The following TNFAIP1 variants were observed in gnomAD, a reference collection of about 807,000 sequenced individuals.
The protein encoded by TNFAIP1 is TNF alpha induced protein 1, also known as BTB/POZ domain-containing adapter for CUL3-mediated RhoA degradation protein 2.
In TNFAIP1, 20 loss-of-function variants were observed where a neutral mutation model predicts 32.6. The observed-to-expected ratio is 0.61, with a 90% CI of 0.43 to 0.89. The LOEUF (loss-of-function observed/expected upper bound fraction) is 0.89, where lower values mean the gene tolerates loss of function less well. Among genes scored for constraint, TNFAIP1 ranks in the 40% least tolerant of loss-of-function variants. TNFAIP1 has a pLI of 0.00. For synonymous variants in TNFAIP1, 166 were observed against 166.8 expected, an observed-to-expected ratio of 1.00 and a Z score of 0.04; for missense variants, 319 against 425.1, an observed-to-expected ratio of 0.75 and a Z score of 2.20.
intron 1 of TNFAIP1, among the ~76,000 whole-genome samples, chr17:28,339,182 G>A (rs1394008140): frequency 1.3e-5 from 2 of 150,538 alleles, no homozygotes; most frequent in Non-Finnish European, 3.0e-5. Flanking sequence ...AGGCTGCAGT[G>A]AGCCGAGATG....
rs782729293 is a variant in TNFAIP1, at chr17:28,341,231, G to T, written c.376-6G>T. The T allele has an allele frequency of 1.2e-6, 2 of 1,613,608 alleles. No individual in the cohort carries two copies. Among genetic ancestry groups the T allele is most frequent in the Admixed American group, 1.7e-5 (1 of 60,002 alleles). On this transcript the variant is annotated splice_region_variant and splice_polypyrimidine_tract_variant and intron_variant, in intron 3 of 6. Coordinates refer to ENST00000226225, the MANE Select transcript of TNFAIP1 (RefSeq NM_021137.5). ...TAAAGAGGGTTCTCTGTTCTGTGTC[G>T]CACAGGACAAGAAGGACTCCTACCA...
chr17:28,339,568 A>G lies in TNFAIP1; in HGVS notation c.47A>G (p.Lys16Arg). The G allele has an allele frequency of 3.7e-6, 6 of 1,613,250 alleles. No individual in the cohort carries two copies. The highest frequency in any genetic ancestry group is 5.1e-6 in the Non-Finnish European group (6 of 1,179,576). The change falls in exon 2 of 7, where the codon AAG (lysine) becomes AGG (arginine). Residue 16 changes from lysine to arginine, a missense_variant. By Grantham distance (26) the Lys-to-Arg change is conservative. Transcript: ENST00000226225. ...TGCCCAGCCTCAGGGGCCAAGCCCA[A>G]GCTCAGTGGCTTCAAGGGAGGAGGG... ...CLCPASGAKPKLSGFKGGGLG... is the reference protein window; with the variant it reads ...CLCPASGAKPRLSGFKGGGLG...
Position 28,342,152 on chromosome 17 carries a change from G to C in TNFAIP1, c.519-95G>C, listed in dbSNP as rs917169716. 2.1e-5 allele frequency: 24 copies of C among 1,134,020 alleles called. No homozygotes were observed. The highest frequency in any genetic ancestry group is 2.0e-4 in the African/African-American group (13 of 65,166). 70.2% of individuals were successfully genotyped at this position (1,134,020 alleles called of 1,614,324 possible). Reference sequence around the variant, plus strand: ...TGCTTTCATTTCGGCAGGACAGGATGGGGGAAGGGAGGGAGGGGAGGGCCC... The same window carrying C: ...TGCTTTCATTTCGGCAGGACAGGATCGGGGAAGGGAGGGAGGGGAGGGCCC... On this transcript the variant is annotated intron_variant, in intron 5 of 6. Coordinates refer to ENST00000226225, the MANE Select transcript of TNFAIP1 (RefSeq NM_021137.5). The surrounding 1 kb of genome is among the most constrained non-coding windows in gnomAD (Gnocchi z 4.0).
Position 28,346,536 on chromosome 17 carries a change from C to G in TNFAIP1, c.*1936C>G, listed in dbSNP as rs1158292422. On this transcript the variant is annotated 3_prime_UTR_variant, in exon 7 of 7. Coordinates refer to ENST00000226225, the MANE Select transcript of TNFAIP1 (RefSeq NM_021137.5). ...TCCTCAGTGTCTCAGTCTTTTTTGCCGAGAAAGCACAGTAGTCTGGGACTG... is the reference window on the plus strand; with the variant it reads ...TCCTCAGTGTCTCAGTCTTTTTTGCGGAGAAAGCACAGTAGTCTGGGACTG... 2.0e-5 allele frequency: 3 copies of G among 152,080 alleles called. No homozygotes were observed. The highest frequency in any genetic ancestry group is 4.4e-5 in the Non-Finnish European group (3 of 67,998). The allele number at this position is 152,080 out of a possible 1,614,324, so 9.4% of individuals were successfully genotyped here. A position where few individuals can be genotyped will look rare whatever the true frequency, so the allele number is the denominator to read the frequency against.
At position 28,342,004 on chromosome 17, in the gene TNFAIP1, G is replaced by A. The variant is rs1907377721; in HGVS notation, c.519-243G>A. On this transcript the variant is annotated intron_variant, in intron 5 of 6. Coordinates refer to ENST00000226225, the MANE Select transcript of TNFAIP1 (RefSeq NM_021137.5). The surrounding 1 kb of genome is among the most constrained non-coding windows in gnomAD (Gnocchi z 4.0). The stretch of plus-strand genomic sequence containing the variant: ...GTCTCCTTCCTTCCAGGGTTAGTGA[G>A]GGGAGACCTCCTTCCTCAGCTGTCC... 6.6e-6 allele frequency among the ~76,000 whole-genome samples: 1 copy of A among 152,218 alleles called. No individual in the cohort carries two copies. The highest frequency in any genetic ancestry group is 2.4e-5 in the African/African-American group (1 of 41,456).
intron 2 of TNFAIP1, 54 bp downstream of exon 2, chr17:28,339,780 G>A: frequency 2.6e-6 from 4 of 1,564,708 alleles, no homozygotes; most frequent in Non-Finnish European, 3.5e-6. Context: ...AGTTCCCAAG[G>A]AAATGACCAG....
At position 28,342,377 on chromosome 17, in the gene TNFAIP1, G is replaced by C. The variant is rs138622447; in HGVS notation, c.649G>C (p.Gly217Arg). 9.7e-5 allele frequency: 156 copies of C among 1,606,080 alleles called. No individual in the cohort carries two copies. Among genetic ancestry groups the C allele is most frequent in the Middle Eastern group, 6.6e-4 (4 of 6,042 alleles). ...EICCWSFYGQGRKLAEVCCTS... is the reference protein window; with the variant it reads ...EICCWSFYGQRRKLAEVCCTS... ...CTGCTGCTGGTCCTTTTATGGCCAGGGCCGTAAGCTGGCAGAGGTGTGCTG... is the reference window on the plus strand; with the variant it reads ...CTGCTGCTGGTCCTTTTATGGCCAGCGCCGTAAGCTGGCAGAGGTGTGCTG... Residue 217 changes from glycine to arginine, a missense_variant, in exon 6 of 7, where the codon GGC (glycine) becomes CGC (arginine). Gly to Arg is a moderately radical substitution (Grantham distance 125). Transcript: ENST00000226225. The surrounding 1 kb of genome is among the most constrained non-coding windows in gnomAD (Gnocchi z 4.0).
At chr17:28,336,783 C>T (rs1410032724) in intron 1 of TNFAIP1, among the ~76,000 whole-genome samples, 2 of 152,226 alleles carry the variant, frequency 1.3e-5, no homozygotes, top group African/African-American at 2.4e-5. Context: ...CCAGACAAGC[C>T]GCCAAAGGAA....
Position 28,344,716 on chromosome 17 carries a change from T to C in TNFAIP1, c.*116T>C. 9.7e-7 allele frequency: 1 copy of C among 1,031,584 alleles called. No individual in the cohort carries two copies. Among genetic ancestry groups the C allele is most frequent in the Non-Finnish European group, 1.4e-6 (1 of 692,954 alleles). 63.9% of individuals were successfully genotyped at this position (1,031,584 alleles called of 1,614,324 possible). ...GTCTCTGCTCTAGCACCCAGAGGCA[T>C]GACAGGCCCTGCTCAGAGGTCAGAG... On this transcript the variant is annotated 3_prime_UTR_variant, in exon 7 of 7. Transcript: ENST00000226225.
In TNFAIP1 at chr17:28,344,562, G is replaced by A. The variant is rs1907479486; in HGVS notation, c.913G>A (p.Asp305Asn). Residue 305 changes from aspartate (D) to asparagine (N), a missense_variant, in exon 7 of 7, where the codon GAC becomes AAC. Asp to Asn is a conservative substitution (Grantham distance 23). Coordinates refer to ENST00000226225, the MANE Select transcript of TNFAIP1 (RefSeq NM_021137.5). ...CGTCAAGCGCTACAGCACTTACGAT[G>A]ACCGGCAGCTCGGCCACCAGTCTAC... ...IHVKRYSTYDDRQLGHQSTHR... is the reference protein window; with the variant it reads ...IHVKRYSTYDNRQLGHQSTHR... 1 of 1,613,442 alleles carries A rather than the reference G, an allele frequency of 6.2e-7. No individual in the cohort carries two copies. Among genetic ancestry groups the A allele is most frequent in the African/African-American group, 1.3e-5 (1 of 74,928 alleles).
rs1478456790 is a variant in TNFAIP1, at chr17:28,340,261, G to T, written c.206-48G>T. On this transcript the variant is annotated intron_variant, in intron 2 of 6. Transcript: ENST00000226225. This position sits in a 1 kb window ranked among gnomAD's most constrained non-coding sequence, Gnocchi z 4.1. ...TGTCAGGTGGCCTTTGCCTGCCTCGGAGGTACCTGGCGGCAAACTAACCCT... is the reference window on the plus strand; with the variant it reads ...TGTCAGGTGGCCTTTGCCTGCCTCGTAGGTACCTGGCGGCAAACTAACCCT... The T allele has an allele frequency of 1.1e-5, 18 of 1,596,620 alleles. No homozygotes were observed. The highest frequency in any genetic ancestry group is 1.5e-5 in the Non-Finnish European group (18 of 1,167,930).
At chr17:28,338,352 G>A (rs781967380) in intron 1 of TNFAIP1, among the ~76,000 whole-genome samples, 1 of 152,112 alleles carries the variant, frequency 6.6e-6, no homozygotes, top group African/African-American at 2.4e-5. Flanking sequence ...AGGAGAGTAG[G>A]GCTGGGCTCC....
In TNFAIP1 at chr17:28,342,223, G is replaced by A. The variant is rs782312431; in HGVS notation, c.519-24G>A. On this transcript the variant is annotated intron_variant, in intron 5 of 6. Coordinates refer to ENST00000226225, the MANE Select transcript of TNFAIP1 (RefSeq NM_021137.5). This position sits in a 1 kb window ranked among gnomAD's most constrained non-coding sequence, Gnocchi z 4.0. ...TTGGACTGGAACCTCACTCCCAGCCGCTTGGCCCTCATGTTTTTTTCAGCA... is the reference window on the plus strand; with the variant it reads ...TTGGACTGGAACCTCACTCCCAGCCACTTGGCCCTCATGTTTTTTTCAGCA... The A allele has an allele frequency of 9.4e-5, 144 of 1,532,904 alleles. No individual in the cohort carries two copies. Among genetic ancestry groups the A allele is most frequent in the Non-Finnish European group, 1.2e-4 (133 of 1,129,342 alleles). 95.0% of individuals were successfully genotyped at this position (1,532,904 alleles called of 1,614,324 possible). A position where few individuals can be genotyped will look rare whatever the true frequency, so the allele number is the denominator to read the frequency against.
Position 28,342,666 on chromosome 17 carries a change from G to C in TNFAIP1, c.714+224G>C, listed in dbSNP as rs1161963441. On this transcript the variant is annotated intron_variant, in intron 6 of 6. Transcript: ENST00000226225. This position sits in a 1 kb window ranked among gnomAD's most constrained non-coding sequence, Gnocchi z 4.0. ...GCAGGGCAGGGGCCGTTGACCACCA[G>C]GAAGTAGCCTAGTACAGTGGGAAGG... 1.3e-5 allele frequency among the ~76,000 whole-genome samples: 2 copies of C among 152,254 alleles called. No individual in the cohort carries two copies. Among genetic ancestry groups the C allele is most frequent in the African/African-American group, 4.8e-5 (2 of 41,466 alleles).
rs1555578621 is a variant in TNFAIP1, at chr17:28,344,512, T to C, written c.863T>C (p.Leu288Pro). The C allele has an allele frequency of 1.2e-6, 2 of 1,613,926 alleles. No homozygotes were observed. Among genetic ancestry groups the C allele is most frequent in the South Asian group, 1.1e-5 (1 of 91,080 alleles). ...AGTGAAGATGAGGAGACCTTTGAAC[T>C]GCGGGACCGTGTCCGCCGCATCCAC... ...SPSEDEETFE[L>P]RDRVRRIHVK... is the part of the protein sequence containing the mutation. Residue 288 changes from leucine to proline, a missense_variant, in exon 7 of 7, where the codon CTG (leucine) becomes CCG (proline). Leu to Pro is a moderately conservative substitution (Grantham distance 98). Transcript: ENST00000226225.
At position 28,344,588 on chromosome 17, in the gene TNFAIP1, C is replaced by G. The variant is rs145418568; in HGVS notation, c.939C>G (p.Thr313=). 4 of 1,612,578 alleles carry G rather than the reference C, an allele frequency of 2.5e-6. No homozygotes were observed. The highest frequency in any genetic ancestry group is 1.7e-5 in the Admixed American group (1 of 60,004). Residue 313 remains threonine, a synonymous_variant, in exon 7 of 7, where the codon ACC becomes ACG. Transcript: ENST00000226225. The part of the protein sequence containing the change: ...YDDRQLGHQS[T]HRD ...ACCGGCAGCTCGGCCACCAGTCTACCCATCGCGACTGACCAGACCCTCAGG... is the reference window on the plus strand; with the variant it reads ...ACCGGCAGCTCGGCCACCAGTCTACGCATCGCGACTGACCAGACCCTCAGG...
chr17:28,340,621 C>T lies in TNFAIP1; in HGVS notation c.375+143C>T, dbSNP rs1247163590. ...ACCTAATGAGACAAGTGAGATGCCA[C>T]CCAGGCCCACCAACCTGGCAGCCAG... On this transcript the variant is annotated intron_variant, in intron 3 of 6. Coordinates refer to ENST00000226225, the MANE Select transcript of TNFAIP1 (RefSeq NM_021137.5). The surrounding 1 kb of genome is among the most constrained non-coding windows in gnomAD (Gnocchi z 4.1). 1 of 881,432 alleles carries T rather than the reference C, an allele frequency of 1.1e-6. No homozygotes were observed. Among genetic ancestry groups the T allele is most frequent in the African/African-American group, 1.7e-5 (1 of 59,282 alleles). The allele number at this position is 881,432 out of a possible 1,614,324, so 54.6% of individuals were successfully genotyped here. A position where few individuals can be genotyped will look rare whatever the true frequency, so the allele number is the denominator to read the frequency against.
At chr17:28,343,412 C>T (rs564204855) in intron 6 of TNFAIP1, among the ~76,000 whole-genome samples, 2 of 152,094 alleles carry the variant, frequency 1.3e-5, no homozygotes, top group African/African-American at 4.8e-5. Context: ...CTCAAAGTAG[C>T]CAGACTTGCC....
At position 28,344,307 on chromosome 17, in the gene TNFAIP1, G is replaced by A. The variant is rs2234120; in HGVS notation, c.715-57G>A. ...GAGCCTCAGGGCCAGCCGCTCTGAC[G>A]CATGGCTTCCTCTTGAAGATGAAAC... is the stretch of plus-strand genomic sequence containing the variant. On this transcript the variant is annotated intron_variant, in intron 6 of 6. Transcript: ENST00000226225. 7.8e-4 allele frequency: 1,176 copies of A among 1,508,870 alleles called. 11 individuals are homozygous for A. The African/African-American group carries it at 0.015, about 19-fold the overall frequency. The allele number at this position is 1,508,870 out of a possible 1,614,324, so 93.5% of individuals were successfully genotyped here.
Sources: gnomAD v4.1 joint callset for allele counts (sites outside exome capture counted in the v4.1 genomes callset) on GRCh38, gnomAD v4.1.1 for gene constraint, Gnocchi (gnomAD v3.1) non-coding constraint, MANE v1.5 for transcripts, NCBI Gene and HGNC (gene_info 2026-07-23, HGNC 2026-07-21) for gene names.